FAM193A: variants seen among roughly 807,000 people sequenced by gnomAD.
The protein encoded by FAM193A is protein FAM193A.
A neutral mutation model predicts 126.5 loss-of-function variants in FAM193A; 22 were observed. That is an observed-to-expected ratio of 0.17 (90% CI 0.12 to 0.25). FAM193A has a LOEUF of 0.25. Among genes scored for constraint, FAM193A ranks in the 10% least tolerant of loss-of-function variants. The pLI is 1.00. For missense variants in FAM193A, 1,675 were observed against 1,672.8 expected, an observed-to-expected ratio of 1.00 and a Z score of -0.02; for synonymous variants, 761 against 646.8, an observed-to-expected ratio of 1.18 and a Z score of -2.68.
At chr4:2,612,433 A>T (rs1283937139) in intron 2 of FAM193A, among the ~76,000 whole-genome samples, 1 of 151,960 alleles carries the variant, frequency 6.6e-6, no homozygotes, top group Non-Finnish European at 1.5e-5. Context: ...CAGGAGGTGG[A>T]GGTTGCAGTG....
intron 19 of FAM193A, among the ~76,000 whole-genome samples, chr4:2,704,954 C>T (rs534588738): frequency 6.6e-6 from 1 of 152,096 alleles, no homozygotes; most frequent in Admixed American, 6.5e-5. Context: ...CTCTGTCGCC[C>T]AGGCTGGAGT....
At chr4:2,709,186 T>C (rs953826069) in intron 19 of FAM193A, among the ~76,000 whole-genome samples, 1 of 152,218 alleles carries the variant, frequency 6.6e-6, no homozygotes, top group Non-Finnish European at 1.5e-5. Context: ...CTTAGATGTA[T>C]TAATACGATG....
intron 19 of FAM193A, among the ~76,000 whole-genome samples, chr4:2,706,927 C>T (rs770132257): frequency 2.6e-5 from 4 of 151,828 alleles, no homozygotes; most frequent in Non-Finnish European, 5.9e-5. Context: ...TCGAGATCAG[C>T]CTGGCCAACA....
At chr4:2,582,046 CT>C (rs1577036443) in intron 1 of FAM193A, among the ~76,000 whole-genome samples, 1 of 152,232 alleles carries the variant, frequency 6.6e-6, no homozygotes, top group East Asian at 1.9e-4. Context: ...AAATTACTCT[CT>C]TCTGGTTTTT....
intron 10 of FAM193A, among the ~76,000 whole-genome samples, chr4:2,662,110 G>C (rs546751596): frequency 2.4e-4 from 36 of 152,262 alleles, no homozygotes; most frequent in South Asian, 2.1e-3. Context: ...GTGAACCTGG[G>C]GGGTGGAGCT....
intron 1 of FAM193A, among the ~76,000 whole-genome samples, chr4:2,571,696 A>G (rs376914537): frequency 7.9e-5 from 12 of 151,818 alleles, no homozygotes; most frequent in South Asian, 2.1e-4. Flanking sequence ...CGTGCCACCA[A>G]GCCCAGCTAA....
chr4:2,671,540 T>G (rs1577177162), intron 12 of FAM193A, among the ~76,000 whole-genome samples: 1 of 152,234 alleles, frequency 6.6e-6, no homozygotes, highest in South Asian at 2.1e-4. Flanking sequence ...CCAGACTTGC[T>G]GTTCTTCCTT....
chr4:2,714,399 T>C lies in FAM193A; in HGVS notation c.4373-1624T>C, dbSNP rs554648409. On this transcript the variant is annotated intron_variant, in intron 19 of 20. Coordinates refer to ENST00000637812, the MANE Select transcript of FAM193A (RefSeq NM_001366318.2). Reference sequence around the variant, plus strand: ...CTATTCTGTGCCAGGATTGAGCTATTGGCTGCGTTTCCTTTAACCTAATCT... The same window carrying C: ...CTATTCTGTGCCAGGATTGAGCTATCGGCTGCGTTTCCTTTAACCTAATCT... Among the ~76,000 whole-genome samples the C allele has an allele frequency of 1.1e-4, 17 of 152,268 alleles. No individual in the cohort carries two copies. In the Middle Eastern group the frequency reaches 0.01, roughly 91 times the overall value.
At chr4:2,579,236 T>A (rs1739782158) in intron 1 of FAM193A, among the ~76,000 whole-genome samples, 1 of 152,110 alleles carries the variant, frequency 6.6e-6, no homozygotes, top group Non-Finnish European at 1.5e-5. Flanking sequence ...GGCTCACGCC[T>A]GTAATCCCAG....
intron 5 of FAM193A, among the ~76,000 whole-genome samples, chr4:2,631,709 C>T (rs1054162995): frequency 2.0e-5 from 3 of 152,190 alleles, no homozygotes; most frequent in Non-Finnish European, 2.9e-5. Context: ...TATCACCATC[C>T]TTGCCAATGG....
intron 1 of FAM193A, among the ~76,000 whole-genome samples, chr4:2,586,634 C>G (rs557958079): frequency 6.6e-6 from 1 of 152,194 alleles, no homozygotes; most frequent in Admixed American, 6.5e-5. Flanking sequence ...GCGGCCAGTA[C>G]CACACTCTCT....
chr4:2,548,372 A>C (rs1390694478), intron 1 of FAM193A, among the ~76,000 whole-genome samples: 1 of 151,292 alleles, frequency 6.6e-6, no homozygotes, highest in African/African-American at 2.4e-5. Context: ...TGCCCGGCCT[A>C]CTTTGCCTAT....
chr4:2,622,363 G>A (rs945258261), intron 2 of FAM193A, among the ~76,000 whole-genome samples: 4 of 152,030 alleles, frequency 2.6e-5, no homozygotes, highest in African/African-American at 9.7e-5. Flanking sequence ...GGCAGAGGGC[G>A]GTGGTGTATG....
rs372092797 is a variant in FAM193A at position 2,700,533 on chromosome 4, A to G, written c.4361A>G (p.Asn1454Ser). 18 of 1,610,584 alleles carry G rather than the reference A, an allele frequency of 1.1e-5. No individual in the cohort carries two copies. The highest frequency in any genetic ancestry group is 2.7e-5 in the African/African-American group (2 of 74,502). ...KNKKKKGDRV[N>S]NSIDDVFLPK... ...AAGAAGAAGAAAGGAGACAGAGTCA[A>G]CAATTCAATTGGTAAATACAGAATA... The change falls in exon 19 of 21, where the codon AAC becomes AGC. Residue 1454 changes from asparagine to serine, a missense_variant. Asn to Ser is a conservative substitution (Grantham distance 46). Around this residue, in one of 4 missense-constraint regions of FAM193A, gnomAD observed 415 missense variants for 396.7 expected, o/e 1.05. Transcript: ENST00000637812.
chr4:2,730,539 A>C (rs1721254659), intron 20 of FAM193A, among the ~76,000 whole-genome samples: 1 of 152,088 alleles, frequency 6.6e-6, no homozygotes, highest in African/African-American at 2.4e-5. Flanking sequence ...AAATAGAAGA[A>C]ATTAGCTGGG....
At chr4:2,619,759 C>T (rs1742430125) in intron 2 of FAM193A, among the ~76,000 whole-genome samples, 1 of 152,176 alleles carries the variant, frequency 6.6e-6, no homozygotes, top group African/African-American at 2.4e-5. Context: ...GATCTAGTCT[C>T]ACTGCAACCT....
rs559692665 is a variant in FAM193A at position 2,704,238 on chromosome 4, G to A, written c.4372+3694G>A. ...AGATCACACCACTGCCCTCCAGCCT[G>A]GCAACAGAGTGAGACTCCATCTCAA... On this transcript the variant is annotated intron_variant, in intron 19 of 20. Coordinates refer to ENST00000637812, the MANE Select transcript of FAM193A (RefSeq NM_001366318.2). 4.1e-5 allele frequency among the ~76,000 whole-genome samples: 6 copies of A among 147,424 alleles called. No individual in the cohort carries two copies. The South Asian group carries it at 1.1e-3, about 27-fold the overall frequency.
intron 5 of FAM193A, among the ~76,000 whole-genome samples, chr4:2,631,533 T>G (rs1306816260): frequency 6.6e-6 from 1 of 152,176 alleles, no homozygotes; most frequent in Non-Finnish European, 1.5e-5. Flanking sequence ...ATTCTTTCGT[T>G]GCTGTAGACA....
At chr4:2,701,068 C>CCT (rs1264172871) in intron 19 of FAM193A, among the ~76,000 whole-genome samples, 1 of 150,494 alleles carries the variant, frequency 6.6e-6, no homozygotes, top group Non-Finnish European at 1.5e-5. Flanking sequence ...TCTCTCTCTC[C>CCT]CTCTCTCTCT....
Sources: gnomAD v4.1 joint callset for allele counts (sites outside exome capture counted in the v4.1 genomes callset) on GRCh38, gnomAD v4.1.1 for gene constraint, gnomAD v4.1.1 regional missense constraint, MANE v1.5 for transcripts, NCBI Gene and HGNC (gene_info 2026-07-23, HGNC 2026-07-21) for gene names.